JAM3: variants seen among roughly 807,000 people sequenced by gnomAD.
JAM3 encodes junctional adhesion molecule C.
JAM3 carries 31 observed loss-of-function variants against 39.4 expected under a neutral mutation model. The observed-to-expected ratio is 0.79, with a 90% confidence interval of 0.59 to 1.06. JAM3 has a LOEUF of 1.06. Ranked by LOEUF, JAM3 falls within the 50% of genes least tolerant of loss-of-function variation. The pLI, the probability that JAM3 is intolerant of heterozygous loss-of-function variation, is 0.00. For missense variants in JAM3, 455 were observed against 391.4 expected (o/e 1.16, Z -1.37); for synonymous variants, 182 against 148.7 (o/e 1.22, Z -1.63).
chr11:134,132,958 T>C (rs535741589), intron 1 of JAM3, among the ~76,000 whole-genome samples: 12 of 152,342 alleles, frequency 7.9e-5, no homozygotes, highest in African/African-American at 1.9e-4. Flanking sequence ...TGGGATTCTT[T>C]ATCTGCCTGT....
intron 1 of JAM3, among the ~76,000 whole-genome samples, chr11:134,127,979 A>G (rs1240410093): frequency 1.3e-5 from 2 of 152,204 alleles, no homozygotes. Flanking sequence ...AGTGCCTCTA[A>G]GAAAGCACAT....
In JAM3 at chr11:134,123,876, GGTCA is replaced by G. The variant is rs574663435; in HGVS notation, c.77-15972_77-15969del. 1.1e-4 allele frequency: 97 copies of G among 871,786 alleles called. 1 individual carries two copies. The South Asian group carries it at 1.2e-3, about 11-fold the overall frequency. The allele number at this position is 871,786 out of a possible 1,614,324, so 54.0% of individuals were successfully genotyped here. On this transcript the variant is annotated intron_variant, in intron 1 of 8. Transcript: ENST00000299106. ...ATCTCTGAAGCGTAATCACATCTTA[GGTCA>G]GTATTTCTCCAAGTAAAGCAGCTGT...
chr11:134,089,474 A>G (rs1177081294), intron 1 of JAM3, among the ~76,000 whole-genome samples: 2 of 152,014 alleles, frequency 1.3e-5, no homozygotes, highest in Admixed American at 6.6e-5. Context: ...GTACCCCACA[A>G]CAGGCCCCGG....
Position 134,093,429 on chromosome 11 carries a change from G to A in JAM3, c.76+24270G>A, listed in dbSNP as rs529947480. Among the ~76,000 whole-genome samples the A allele has an allele frequency of 1.7e-4, 22 of 133,304 alleles. 4 individuals carry two copies. Among genetic ancestry groups the A allele is most frequent in the African/African-American group, 5.5e-4 (19 of 34,474 alleles). 87.5% of individuals were successfully genotyped at this position (133,304 alleles called of 152,430 possible). A position where few individuals can be genotyped will look rare whatever the true frequency, so the allele number is the denominator to read the frequency against. On this transcript the variant is annotated intron_variant, in intron 1 of 8. Transcript: ENST00000299106. Reference sequence around the variant, plus strand: ...TCTTACATGTCACTCCCTGAGGGAAGCTTCTCCTGAAACCTCCTTATTCGT... The same window carrying A: ...TCTTACATGTCACTCCCTGAGGGAAACTTCTCCTGAAACCTCCTTATTCGT...
intron 1 of JAM3, among the ~76,000 whole-genome samples, chr11:134,107,093 C>T (rs185573137): frequency 6.5e-4 from 99 of 152,224 alleles, no homozygotes; most frequent in African/African-American, 1.9e-3. Context: ...AAATGTCCAT[C>T]AATGATAGAC....
chr11:134,105,660 G>A (rs1158076317), intron 1 of JAM3, among the ~76,000 whole-genome samples: 1 of 152,088 alleles, frequency 6.6e-6, no homozygotes, highest in African/African-American at 2.4e-5. Context: ...AAAATCTCAG[G>A]ATACAAAATC....
intron 1 of JAM3, among the ~76,000 whole-genome samples, chr11:134,095,152 C>T (rs892208704): frequency 1.3e-5 from 2 of 151,980 alleles, no homozygotes; most frequent in Non-Finnish European, 2.9e-5. Flanking sequence ...CAGAAAAGTT[C>T]GAAGAGAGAA....
intron 1 of JAM3, among the ~76,000 whole-genome samples, chr11:134,114,846 A>T (rs1942391195): frequency 6.6e-6 from 1 of 152,194 alleles, no homozygotes; most frequent in Admixed American, 6.5e-5. Flanking sequence ...TGTTCTATAA[A>T]TGTGAAGTAG....
chr11:134,096,599 C>T (rs1467062126), intron 1 of JAM3, among the ~76,000 whole-genome samples: 4 of 152,202 alleles, frequency 2.6e-5, no homozygotes, highest in Non-Finnish European at 1.5e-5. Flanking sequence ...ACCTGCTCTT[C>T]ACCCAAGGAA....
chr11:134,072,170 T>TAGGA (rs1941493516), intron 1 of JAM3, among the ~76,000 whole-genome samples: 2 of 152,238 alleles, frequency 1.3e-5, no homozygotes, highest in Admixed American at 1.3e-4. Flanking sequence ...TAGCAGCTGT[T>TAGGA]AGAGATGTGG....
intron 6 of JAM3, among the ~76,000 whole-genome samples, chr11:134,146,263 G>A (rs1423986987): frequency 6.6e-6 from 1 of 152,166 alleles, no homozygotes; most frequent in Non-Finnish European, 1.5e-5. Flanking sequence ...TCTGGGATCT[G>A]CTGGTGTTGG....
chr11:134,108,542 G>A (rs931296496), intron 1 of JAM3, among the ~76,000 whole-genome samples: 4 of 152,098 alleles, frequency 2.6e-5, no homozygotes, highest in Non-Finnish European at 5.9e-5. Context: ...ATCTTAGCAA[G>A]TCAATCATAA....
intron 1 of JAM3, among the ~76,000 whole-genome samples, chr11:134,112,408 GC>G (rs1216392799): frequency 1.3e-5 from 2 of 152,092 alleles, no homozygotes; most frequent in Non-Finnish European, 2.9e-5. Context: ...TTTAAAATGG[GC>G]TGTATACTTG....
chr11:134,103,495 C>A (rs1301400300), intron 1 of JAM3, among the ~76,000 whole-genome samples: 1 of 152,154 alleles, frequency 6.6e-6, no homozygotes, highest in Non-Finnish European at 1.5e-5. Flanking sequence ...ATGACAGGAT[C>A]AAATTCACAC....
rs1943142450 is a variant in JAM3 at position 134,149,154 on chromosome 11, C to T, written c.906C>T (p.Phe302=). 2 of 1,613,934 alleles carry T rather than the reference C, an allele frequency of 1.2e-6. No individual in the cohort carries two copies. The highest frequency in any genetic ancestry group is 1.3e-5 in the African/African-American group (1 of 74,950). The change falls in exon 9 of 9, where the codon TTC becomes TTT. Residue 302 remains phenylalanine (F), a synonymous_variant. Transcript: ENST00000299106. ...NYIRTDEEGD[F]RHKSSFVI is the part of the protein sequence containing the mutation. Reference sequence around the variant, plus strand: ...GTGTGTTGGCTTTGCAGGGCGACTTCAGACACAAGTCATCGTTTGTGATCT... The same window carrying T: ...GTGTGTTGGCTTTGCAGGGCGACTTTAGACACAAGTCATCGTTTGTGATCT...
At chr11:134,088,656 C>T (rs1377422257) in intron 1 of JAM3, among the ~76,000 whole-genome samples, 1 of 152,146 alleles carries the variant, frequency 6.6e-6, no homozygotes, top group African/African-American at 2.4e-5. Context: ...AGCAATAGAA[C>T]AATATATAAA....
intron 1 of JAM3, among the ~76,000 whole-genome samples, chr11:134,128,665 CCTG>C (rs55971622): frequency 0.056 from 8,591 of 152,116 alleles, 273 homozygotes; most frequent in Non-Finnish European, 0.058. Flanking sequence ...CCTCCTTTCC[CCTG>C]CTGCTTTGTG....
chr11:134,076,832 G>GTTT (rs759965688), intron 1 of JAM3, among the ~76,000 whole-genome samples: 2 of 121,050 alleles, frequency 1.7e-5, no homozygotes, highest in African/African-American at 3.3e-5. Context: ...AACATCTATT[G>GTTT]CTTTTTTTTT....
At chr11:134,145,135 G>A (rs1943048413) in intron 5 of JAM3, 141 bp downstream of exon 5, 6 of 745,960 alleles carry the variant, frequency 8.0e-6, no homozygotes. Context: ...GGATTCTACA[G>A]GAAAAATGAC....
Sources: gnomAD v4.1 joint callset for allele counts (sites outside exome capture counted in the v4.1 genomes callset) on GRCh38, gnomAD v4.1.1 for gene constraint, MANE v1.5 for transcripts, NCBI Gene and HGNC (gene_info 2026-07-23, HGNC 2026-07-21) for gene names.